PTPRD: variants seen among roughly 807,000 people sequenced by gnomAD.
PTPRD encodes receptor-type tyrosine-protein phosphatase delta.
In PTPRD, 34 loss-of-function variants were observed where a neutral mutation model predicts 214.5. The ratio of observed to expected loss-of-function variants is 0.16; its 90% confidence interval spans 0.12 to 0.21. The LOEUF (loss-of-function observed/expected upper bound fraction) is 0.21, where lower values mean the gene tolerates loss of function less well. PTPRD is among the 10% of genes least tolerant of loss of function. The pLI is 1.00. For missense variants in PTPRD, 2,545 were observed against 2,398.7 expected, an observed-to-expected ratio of 1.06 and a Z score of -1.27; for synonymous variants, 1,128 against 845.7, an observed-to-expected ratio of 1.33 and a Z score of -5.79.
chr9:8,955,658 T>C (rs923389241), intron 11 of PTPRD, among the ~76,000 whole-genome samples: 2 of 151,822 alleles, frequency 1.3e-5, no homozygotes, highest in Non-Finnish European at 2.9e-5. Context: ...CCATAGAAGC[T>C]TATTTTCAAA....
chr9:8,431,690 C>A (rs575712849), intron 35 of PTPRD, among the ~76,000 whole-genome samples: 4 of 152,300 alleles, frequency 2.6e-5, no homozygotes, highest in African/African-American at 9.6e-5. Flanking sequence ...TTTGGAGCAC[C>A]TGCATCAAAG....
rs371491854 is a variant in PTPRD at position 8,848,313 on chromosome 9, CTTT to C, written c.-103-114370_-103-114368del. ...TACTTATTAATGCTTAAGATTTTTC[CTTT>C]TTTTTTTTTTTTTTTTTTTTTTAGT... On this transcript the variant is annotated intron_variant, in intron 11 of 45. Transcript: ENST00000381196. Among the ~76,000 whole-genome samples the C allele has an allele frequency of 2.4e-3, 319 of 132,666 alleles. 5 individuals carry two copies. Among genetic ancestry groups the C allele is most frequent in the Middle Eastern group, 0.019 (5 of 258 alleles). The allele number at this position is 132,666 out of a possible 152,430, so 87.0% of individuals were successfully genotyped here.
At chr9:10,338,385 G>C (rs2096880715) in intron 3 of PTPRD, among the ~76,000 whole-genome samples, 1 of 151,692 alleles carries the variant, frequency 6.6e-6, no homozygotes, top group South Asian at 2.1e-4. Context: ...TCAACTGATA[G>C]TCCTTCCACA....
At chr9:9,735,229 G>T (rs1194791445) in intron 6 of PTPRD, among the ~76,000 whole-genome samples, 1 of 152,070 alleles carries the variant, frequency 6.6e-6, no homozygotes, top group Non-Finnish European at 1.5e-5. Context: ...ATGTTGTCTT[G>T]TGTAAAGAAA....
At chr9:9,785,512 T>C (rs1046970775) in intron 5 of PTPRD, among the ~76,000 whole-genome samples, 4 of 151,988 alleles carry the variant, frequency 2.6e-5, no homozygotes, top group African/African-American at 7.2e-5. Context: ...TTCATAAATA[T>C]TACATAAACC....
intron 9 of PTPRD, among the ~76,000 whole-genome samples, chr9:9,252,505 A>T (rs944736993): frequency 2.6e-5 from 4 of 151,988 alleles, no homozygotes; most frequent in Non-Finnish European, 5.9e-5. Flanking sequence ...GTTTTGAGAC[A>T]GCTTCTTGCT....
intron 2 of PTPRD, among the ~76,000 whole-genome samples, chr9:10,400,745 C>A (rs897792803): frequency 1.3e-5 from 2 of 151,252 alleles, no homozygotes; most frequent in African/African-American, 4.8e-5. Context: ...TTTCCTATTT[C>A]CTTCTTAGTT....
intron 11 of PTPRD, among the ~76,000 whole-genome samples, chr9:8,932,627 G>A (rs2098960803): frequency 6.6e-6 from 1 of 152,152 alleles, no homozygotes; most frequent in Non-Finnish European, 1.5e-5. Context: ...AAGTTGTGGT[G>A]GGCTCTGCCC....
intron 2 of PTPRD, among the ~76,000 whole-genome samples, chr9:10,510,689 T>A (rs1438732287): frequency 1.3e-5 from 2 of 152,196 alleles, no homozygotes; most frequent in African/African-American, 2.4e-5. Context: ...ATTTTAAACA[T>A]TGATTATTTC....
chr9:8,875,486 CTTTG>C (rs977177037), intron 11 of PTPRD, among the ~76,000 whole-genome samples: 6 of 152,054 alleles, frequency 3.9e-5, no homozygotes, highest in African/African-American at 1.2e-4. Context: ...ATTAGGAATT[CTTTG>C]TTTGGTTCCT....
chr9:9,288,690 T>C (rs74758282), intron 9 of PTPRD, among the ~76,000 whole-genome samples: 2,938 of 151,976 alleles, frequency 0.019, 88 homozygotes, highest in African/African-American at 0.066. Context: ...TTTGTTTTTC[T>C]TGGTAGTCAA....
At chr9:10,516,828 C>T (rs1212747302) in intron 2 of PTPRD, among the ~76,000 whole-genome samples, 2 of 151,790 alleles carry the variant, frequency 1.3e-5, no homozygotes, top group Admixed American at 1.3e-4. Flanking sequence ...GCTGAAGAAA[C>T]TATTATTTTC....
chr9:8,869,854 G>C (rs2098264783), intron 11 of PTPRD, among the ~76,000 whole-genome samples: 1 of 151,968 alleles, frequency 6.6e-6, no homozygotes. Context: ...AAAGCCTCTA[G>C]CTGCTGGCAC....
intron 2 of PTPRD, among the ~76,000 whole-genome samples, chr9:10,466,906 G>C (rs1035363968): frequency 3.9e-5 from 6 of 152,136 alleles, no homozygotes; most frequent in Admixed American, 1.3e-4. Flanking sequence ...TACAAAACTT[G>C]CCACCAAGCA....
chr9:9,331,624 C>T (rs1362423716), intron 9 of PTPRD, among the ~76,000 whole-genome samples: 5 of 151,940 alleles, frequency 3.3e-5, no homozygotes, highest in Admixed American at 6.6e-5. Context: ...CAGAGAATAC[C>T]GTCTTGCTAA....
intron 11 of PTPRD, among the ~76,000 whole-genome samples, chr9:8,938,767 C>T (rs1312999297): frequency 6.6e-6 from 1 of 151,988 alleles, no homozygotes; most frequent in Non-Finnish European, 1.5e-5. Context: ...CCCCAAGACA[C>T]TGTCTTTGTG....
intron 7 of PTPRD, among the ~76,000 whole-genome samples, chr9:9,715,622 A>G (rs930192098): frequency 6.6e-6 from 1 of 152,182 alleles, no homozygotes; most frequent in African/African-American, 2.4e-5. Context: ...CTCAACTTCA[A>G]ATAGAATCTA....
chr9:9,037,950 T>C (rs1177078592), intron 10 of PTPRD, among the ~76,000 whole-genome samples: 1 of 152,180 alleles, frequency 6.6e-6, no homozygotes, highest in Non-Finnish European at 1.5e-5. Flanking sequence ...GGAAAACTAA[T>C]TAACTTTTTT....
chr9:9,426,477 G>A (rs1432010390), intron 8 of PTPRD, among the ~76,000 whole-genome samples: 1 of 152,194 alleles, frequency 6.6e-6, no homozygotes, highest in Non-Finnish European at 1.5e-5. Flanking sequence ...CTCCACCTCT[G>A]ACGGCAGAGC....
Sources: gnomAD v4.1 joint callset for allele counts (sites outside exome capture counted in the v4.1 genomes callset) on GRCh38, gnomAD v4.1.1 for gene constraint, MANE v1.5 for transcripts, NCBI Gene and HGNC (gene_info 2026-07-23, HGNC 2026-07-21) for gene names.